Variants in ABCD4 observed in about 807,000 individuals in gnomAD.
ABCD4 encodes ATP binding cassette subfamily D member 4.
ABCD4 carries 53 observed loss-of-function variants against 86.3 expected under a neutral mutation model. The ratio of observed to expected loss-of-function variants is 0.61; its 90% CI spans 0.49 to 0.77. The LOEUF (loss-of-function observed/expected upper bound fraction) is 0.77. Among genes scored for constraint, ABCD4 ranks in the 30% least tolerant of loss-of-function variants. The pLI is 0.00. For missense variants in ABCD4, 757 were observed against 764.5 expected (o/e 0.99, Z 0.12); for synonymous variants, 328 against 313.6 (o/e 1.05, Z -0.49).
chr14:74,296,830 G>C, intron 4 of ABCD4: 2 of 170,904 alleles, frequency 1.2e-5, no homozygotes, highest in Admixed American at 1.2e-4. Flanking sequence ...TCTTATATAA[G>C]CCCTAGCCTG....
At chr14:74,288,867 A>T in intron 14 of ABCD4, 102 bp from the exon 15 acceptor site, 2 of 1,415,142 alleles carry the variant, frequency 1.4e-6, no homozygotes, top group South Asian at 2.6e-5. Flanking sequence ...TAATCCCAAC[A>T]CTTTGGGAGG....
intron 10 of ABCD4, 71 bp downstream of exon 10, chr14:74,292,480 T>C: frequency 6.3e-7 from 1 of 1,596,380 alleles, no homozygotes; most frequent in South Asian, 1.1e-5. Context: ...TCTGTTCCTT[T>C]TTTCACTCAG....
intron 1 of ABCD4, among the ~76,000 whole-genome samples, chr14:74,301,876 G>A (rs1266962037): frequency 6.6e-6 from 1 of 152,048 alleles, no homozygotes; most frequent in Non-Finnish European, 1.5e-5. Context: ...TCCTGCCCGA[G>A]CAACAAGAGC....
rs1353704780 is a variant in ABCD4, at chr14:74,285,762, T to A, written c.*699A>T. ...TTTGGCTAAGGGGAAAGGGATTTAC[T>A]TTCATTTGGGTTAAGGTAGGGCAGA... is the stretch of plus-strand genomic sequence containing the variant. On this transcript the variant is annotated 3_prime_UTR_variant, in exon 19 of 19. Coordinates refer to ENST00000356924, the MANE Select transcript of ABCD4 (RefSeq NM_005050.4). 1 of 152,184 alleles carries A rather than the reference T, an allele frequency of 6.6e-6. No individual in the cohort carries two copies. Among genetic ancestry groups the A allele is most frequent in the Non-Finnish European group, 1.5e-5 (1 of 68,040 alleles). 9.4% of individuals were successfully genotyped at this position (152,184 alleles called of 1,614,324 possible).
In ABCD4 at chr14:74,292,583, C is replaced by G. The variant is rs765914441; in HGVS notation, c.996G>C (p.Thr332=). The change falls in exon 10 of 19, where the codon ACG becomes ACC. Residue 332 remains threonine, a synonymous_variant. Transcript: ENST00000356924. ...SCFTQLIDLS[T]TLSDVAGYTH... ...TGTAGCCAGCCACATCTGAGAGCGT[C>G]GTGGACAGGTCGATGAGCTGGGTGA... The G allele has an allele frequency of 2.2e-5, 35 of 1,613,898 alleles. No individual in the cohort carries two copies. The East Asian group carries it at 5.8e-4, about 27-fold the overall frequency.
intron 1 of ABCD4, among the ~76,000 whole-genome samples, chr14:74,301,223 G>A (rs1293448797): frequency 2.0e-5 from 3 of 150,858 alleles, no homozygotes; most frequent in Non-Finnish European, 4.4e-5. Context: ...GCAGTGGTGC[G>A]ATCTCAGCTC....
At chr14:74,289,017 C>G in intron 14 of ABCD4, 1 of 931,002 alleles carries the variant, frequency 1.1e-6, no homozygotes, top group East Asian at 4.1e-5. Flanking sequence ...GAGGCTGAGG[C>G]AGGGGAATTG....
intron 1 of ABCD4, among the ~76,000 whole-genome samples, chr14:74,301,765 G>T (rs1054455688): frequency 1.3e-5 from 2 of 152,074 alleles, no homozygotes; most frequent in African/African-American, 4.8e-5. Context: ...GCTGGGTGTG[G>T]TGGCGCGCGT....
intron 12 of ABCD4, 48 bp downstream of exon 12, chr14:74,290,243 C>A (rs780439786): frequency 6.2e-7 from 1 of 1,612,250 alleles, no homozygotes; most frequent in Non-Finnish European, 8.5e-7. Flanking sequence ...CTTCACCCCA[C>A]CCCTAGGGCC....
rs2082731619 is a variant in ABCD4 at position 74,295,960 on chromosome 14, C to G, written c.562G>C (p.Val188Leu). Residue 188 changes from valine (V) to leucine (L), a missense_variant, in exon 6 of 19, where the codon GTG becomes CTG. By Grantham distance (32) the Val-to-Leu change is conservative. Transcript: ENST00000356924. ...AGGATGAAATACCCGAAGATGCTCA[C>G]AGGCCCGAGCCAGCCTGTGCTGAAA... ...CFQSTGWLGPVSIFGYFILGT... is the reference protein window; with the variant it reads ...CFQSTGWLGPLSIFGYFILGT... 1.9e-6 allele frequency: 3 copies of G among 1,610,734 alleles called. No homozygotes were observed. The highest frequency in any genetic ancestry group is 1.7e-6 in the Non-Finnish European group (2 of 1,179,206).
At position 74,287,934 on chromosome 14, in the gene ABCD4, T is replaced by C. The variant is rs2080282251; in HGVS notation, c.1560-48A>G. ...ACTGCTAGAGGAGGAAGAATATAGCTTGGCTTTTACCTAGAATGGTCTGGG... is the reference window on the plus strand; with the variant it reads ...ACTGCTAGAGGAGGAAGAATATAGCCTGGCTTTTACCTAGAATGGTCTGGG... On this transcript the variant is annotated intron_variant, in intron 16 of 18. Coordinates refer to ENST00000356924, the MANE Select transcript of ABCD4 (RefSeq NM_005050.4). 4 of 1,543,100 alleles carry C rather than the reference T, an allele frequency of 2.6e-6. No homozygotes were observed. The African/African-American group carries it at 5.5e-5, about 21-fold the overall frequency.
intron 7 of ABCD4, 58 bp from the exon 8 acceptor site, chr14:74,293,306 G>A (rs748295464): frequency 2.0e-6 from 3 of 1,536,138 alleles, no homozygotes; most frequent in Admixed American, 3.4e-5. Flanking sequence ...AGGTTGGGGG[G>A]CCGCCTGTCC....
rs371201802 is a variant in ABCD4, at chr14:74,286,437, G to A, written c.*24C>T. On this transcript the variant is annotated 3_prime_UTR_variant, in exon 19 of 19. Coordinates refer to ENST00000356924, the MANE Select transcript of ABCD4 (RefSeq NM_005050.4). ...AGGGCCGCCGACCCGCCACAGTGTG[G>A]CTCTCCTTCCAAAAGCCAGAGCTTC... The A allele has an allele frequency of 1.2e-6, 2 of 1,613,026 alleles. No individual in the cohort carries two copies. Among genetic ancestry groups the A allele is most frequent in the African/African-American group, 2.7e-5 (2 of 74,922 alleles).
At chr14:74,290,846 T>C (rs1229781205) in intron 11 of ABCD4, among the ~76,000 whole-genome samples, 1 of 151,928 alleles carries the variant, frequency 6.6e-6, no homozygotes, top group African/African-American at 2.4e-5. Context: ...ACCGTGCCCA[T>C]ATTTTTAGTA....
At chr14:74,301,369 A>G (rs2084460670) in intron 1 of ABCD4, among the ~76,000 whole-genome samples, 5 of 152,042 alleles carry the variant, frequency 3.3e-5, no homozygotes, top group Admixed American at 3.3e-4. Flanking sequence ...CATGTTGCCC[A>G]GGCTGATCTT....
chr14:74,288,508 T>C, intron 15 of ABCD4: 1 of 665,862 alleles, frequency 1.5e-6, no homozygotes, highest in Non-Finnish European at 2.5e-6. Flanking sequence ...ATCAATCCTA[T>C]TCTTGTTTTA....
chr14:74,293,109 C>G, intron 8 of ABCD4, 45 bp downstream of exon 8: 1 of 1,583,694 alleles, frequency 6.3e-7, no homozygotes. Context: ...GGAAGCAGAC[C>G]AGTCCAACCC....
chr14:74,296,048 C>G, intron 5 of ABCD4, 69 bp from the exon 6 acceptor site: 1 of 1,532,172 alleles, frequency 6.5e-7, no homozygotes, highest in East Asian at 2.3e-5. Flanking sequence ...TGCCTCAGCC[C>G]TGACTCCTGT....
chr14:74,295,610 C>A (rs867251853), intron 6 of ABCD4: 1 of 574,246 alleles, frequency 1.7e-6, no homozygotes, highest in Non-Finnish European at 3.0e-6. Flanking sequence ...GATGGCCAGG[C>A]AGACACGGTT....
Sources: allele counts gnomAD v4.1 joint callset (sites outside exome capture counted in the v4.1 genomes callset), GRCh38; gene constraint gnomAD v4.1.1; transcripts MANE v1.5; gene names NCBI Gene and HGNC (gene_info 2026-07-23, HGNC 2026-07-21).